MAU2: variants seen among roughly 807,000 people sequenced by gnomAD.
The protein encoded by MAU2 is MAU2 chromatid cohesion factor homolog.
In MAU2, 9 loss-of-function variants were observed where a neutral mutation model predicts 89.1. The observed-to-expected ratio is 0.10, with a 90% CI of 0.06 to 0.18. The LOEUF (loss-of-function observed/expected upper bound fraction) is 0.18, where lower values mean the gene tolerates loss of function less well. Ranked by LOEUF, MAU2 falls within the 10% of genes least tolerant of loss-of-function variation. MAU2 has a pLI of 1.00. For synonymous variants in MAU2, 357 were observed against 343.4 expected, an observed-to-expected ratio of 1.04 and a Z score of -0.44; for missense variants, 425 against 803.5, an observed-to-expected ratio of 0.53 and a Z score of 5.69.
intron 1 of MAU2, among the ~76,000 whole-genome samples, chr19:19,327,449 C>T (rs546445182): frequency 6.6e-6 from 1 of 152,058 alleles, no homozygotes; most frequent in Admixed American, 6.6e-5. Context: ...CCTCAGCCTC[C>T]TGAGTAGCTG....
chr19:19,334,768 T>C (rs1207785015), intron 1 of MAU2, among the ~76,000 whole-genome samples: 1 of 152,218 alleles, frequency 6.6e-6, no homozygotes, highest in Non-Finnish European at 1.5e-5. Flanking sequence ...TTTCAGTGCC[T>C]GGAGCACCTC....
chr19:19,327,236 C>T (rs1273395693), intron 1 of MAU2, among the ~76,000 whole-genome samples: 1 of 151,806 alleles, frequency 6.6e-6, no homozygotes, highest in African/African-American at 2.4e-5. Flanking sequence ...ATTCTCCTGC[C>T]TCAGCCTCCC....
intron 4 of MAU2, 103 bp downstream of exon 4, chr19:19,337,368 C>T (rs1479934993): frequency 3.4e-6 from 3 of 888,756 alleles, no homozygotes; most frequent in African/African-American, 3.3e-5. Context: ...ATGCGCAGAC[C>T]CCCTCGGGCT....
chr19:19,321,268 AC>A, intron 1 of MAU2, 133 bp downstream of exon 1: 2 of 1,080,992 alleles, frequency 1.9e-6, no homozygotes, highest in Non-Finnish European at 2.5e-6. Context: ...AAGCCGCAGG[AC>A]CCCCACCCGC....
Position 19,340,828 on chromosome 19 carries a change from C to T in MAU2, c.552-18C>T, listed in dbSNP as rs772434340. The T allele has an allele frequency of 1.2e-6, 2 of 1,613,334 alleles. No individual in the cohort carries two copies. Among genetic ancestry groups the T allele is most frequent in the East Asian group, 4.5e-5 (2 of 44,866 alleles). On this transcript the variant is annotated intron_variant, in intron 5 of 18. Coordinates refer to ENST00000262815, the MANE Select transcript of MAU2 (RefSeq NM_015329.4). ...TCCTGGGCCTGCTAGGACCTGACCCCTGCCTCTTGTTTTGCAGGGCGCTGT... is the reference window on the plus strand; with the variant it reads ...TCCTGGGCCTGCTAGGACCTGACCCTTGCCTCTTGTTTTGCAGGGCGCTGT...
chr19:19,343,485 ACTGCCTGAGGCT>A (rs1443338482), intron 9 of MAU2, among the ~76,000 whole-genome samples: 19 of 151,222 alleles, frequency 1.3e-4, no homozygotes, highest in South Asian at 6.2e-4. Flanking sequence ...CCCCTACCCG[ACTGCCTGAGGCT>A]CTGCTGCATG....
intron 7 of MAU2, 86 bp downstream of exon 7, chr19:19,341,493 C>T: frequency 1.3e-6 from 2 of 1,509,646 alleles, no homozygotes; most frequent in Non-Finnish European, 9.0e-7. Flanking sequence ...GCTGTGAGGT[C>T]AGCTGTGTCA....
At chr19:19,340,710 A>G (rs1472021311) in intron 5 of MAU2, 136 bp from the exon 6 acceptor site, 1 of 620,180 alleles carries the variant, frequency 1.6e-6, no homozygotes, top group Non-Finnish European at 2.7e-6. Flanking sequence ...CAGTCTTGTA[A>G]GGGGACTGTT....
intron 17 of MAU2, 53 bp downstream of exon 17, chr19:19,354,498 G>T (rs964787747): frequency 2.7e-6 from 4 of 1,496,122 alleles, no homozygotes; most frequent in Middle Eastern, 1.7e-4. Context: ...CCTCCCCAGA[G>T]ATCAAGGCTG....
rs1599932402 is a variant in MAU2, at chr19:19,356,486, C to T, written c.*704C>T. 1.0e-5 allele frequency: 2 copies of T among 193,002 alleles called. No individual in the cohort carries two copies. The highest frequency in any genetic ancestry group is 9.4e-5 in the South Asian group (1 of 10,646). 12.0% of individuals were successfully genotyped at this position (193,002 alleles called of 1,614,324 possible). A position where few individuals can be genotyped will look rare whatever the true frequency, so the allele number is the denominator to read the frequency against. ...GTGCATGTGGATGCACACGGGTGTG[C>T]GGTGAAGATCTGTGGAGATGGAGCT... is the stretch of plus-strand genomic sequence containing the variant. On this transcript the variant is annotated 3_prime_UTR_variant, in exon 19 of 19. Transcript: ENST00000262815.
At chr19:19,331,129 C>T (rs966237165) in intron 1 of MAU2, among the ~76,000 whole-genome samples, 1 of 152,022 alleles carries the variant, frequency 6.6e-6, no homozygotes, top group Non-Finnish European at 1.5e-5. Context: ...GCCCTGCTCC[C>T]TGCAGCCTCT....
Position 19,354,872 on chromosome 19 carries a change from G to A in MAU2, c.1640-392G>A, listed in dbSNP as rs541466315. Among the ~76,000 whole-genome samples the A allele has an allele frequency of 1.7e-3, 265 of 152,286 alleles. 2 individuals carry two copies. In the South Asian group the frequency reaches 0.024, roughly 14 times the overall value. On this transcript the variant is annotated intron_variant, in intron 17 of 18. Transcript: ENST00000262815. The stretch of plus-strand genomic sequence containing the variant: ...TTTCCAGATTACGAAACTAAGGTCC[G>A]GAGACTCGCCTGGGGCCCTGGGGAG...
rs1176288288 is a variant in MAU2, at chr19:19,328,995, C to T, written c.277-6723C>T. 34 of 454,704 alleles carry T rather than the reference C, an allele frequency of 7.5e-5. No homozygotes were observed. In the East Asian group the frequency reaches 2.2e-3, roughly 30 times the overall value. The allele number at this position is 454,704 out of a possible 1,614,324, so 28.2% of individuals were successfully genotyped here. A position where few individuals can be genotyped will look rare whatever the true frequency, so the allele number is the denominator to read the frequency against. ...GCTTTTTAATGGTGGTTTTGCTCAT[C>T]TGACTTAGAAAGCAGCTCCAGACTG... On this transcript the variant is annotated intron_variant, in intron 1 of 18. Transcript: ENST00000262815.
chr19:19,355,193 T>A, intron 17 of MAU2, 71 bp from the exon 18 acceptor site: 1 of 1,594,442 alleles, frequency 6.3e-7, no homozygotes. Flanking sequence ...TAGGGCTCCA[T>A]CTGCACCGAG....
chr19:19,324,051 TCAGCAATGGCTAAAA>T (rs1331505767), intron 1 of MAU2, among the ~76,000 whole-genome samples: 3 of 152,200 alleles, frequency 2.0e-5, no homozygotes, highest in Non-Finnish European at 2.9e-5. Flanking sequence ...TGCCGGGGGA[TCAGCAATGGCTAAAA>T]CAGTTTCTGC....
intron 1 of MAU2, among the ~76,000 whole-genome samples, chr19:19,322,895 ATTTG>A (rs1474336236): frequency 4.6e-5 from 7 of 151,898 alleles, no homozygotes; most frequent in African/African-American, 1.7e-4. Context: ...TATTTTATTT[ATTTG>A]TTTATTTTGA....
chr19:19,342,412 A>T, intron 7 of MAU2, 123 bp from the exon 8 acceptor site: 1 of 1,234,024 alleles, frequency 8.1e-7, no homozygotes, highest in East Asian at 2.4e-5. Context: ...ATCTTGCAGG[A>T]GGTGGCCCTG....
intron 1 of MAU2, among the ~76,000 whole-genome samples, chr19:19,322,139 A>T (rs893476031): frequency 6.6e-6 from 1 of 151,866 alleles, no homozygotes; most frequent in Non-Finnish European, 1.5e-5. Context: ...CTGAGACTAC[A>T]GGCGCCCGCC....
intron 1 of MAU2, among the ~76,000 whole-genome samples, chr19:19,327,149 TCTCA>T (rs1307255549): frequency 1.4e-5 from 2 of 138,304 alleles, no homozygotes; most frequent in African/African-American, 2.7e-5. Flanking sequence ...TTAGATGGAC[TCTCA>T]CTCTGTTGCC....
Sources: allele counts gnomAD v4.1 joint callset (sites outside exome capture counted in the v4.1 genomes callset), GRCh38; gene constraint gnomAD v4.1.1; transcripts MANE v1.5; gene names NCBI Gene and HGNC (gene_info 2026-07-23, HGNC 2026-07-21).